The following ST3GAL2 variants were observed in gnomAD, a reference collection of about 807,000 sequenced individuals.
ST3GAL2 encodes ST3 beta-galactoside alpha-2,3-sialyltransferase 2.
A neutral mutation model predicts 37.5 loss-of-function variants in ST3GAL2; 16 were observed. The ratio of observed to expected loss-of-function variants is 0.43; its 90% CI spans 0.29 to 0.65. The LOEUF (loss-of-function observed/expected upper bound fraction) is 0.65, where lower values mean the gene tolerates loss of function less well. Ranked by LOEUF, ST3GAL2 falls within the 30% of genes least tolerant of loss-of-function variation. The pLI is 0.17. For synonymous variants in ST3GAL2, 238 were observed against 202.9 expected, an observed-to-expected ratio of 1.17 and a Z score of -1.47; for missense variants, 383 against 487.8, an observed-to-expected ratio of 0.79 and a Z score of 2.02.
At chr16:70,412,980 G>A (rs1325216049) in intron 1 of ST3GAL2, among the ~76,000 whole-genome samples, 1 of 152,182 alleles carries the variant, frequency 6.6e-6, no homozygotes, top group African/African-American at 2.4e-5. Flanking sequence ...TGGGCACGGT[G>A]GCACACACCT....
rs1330628506 is a variant in ST3GAL2 at position 70,401,498 on chromosome 16, G to A, written c.-1003-1965C>T. Among the ~76,000 whole-genome samples the A allele has an allele frequency of 2.0e-5, 3 of 152,036 alleles. No individual in the cohort carries two copies. The East Asian group carries it at 5.8e-4, about 29-fold the overall frequency. The stretch of plus-strand genomic sequence containing the variant: ...AGGATGCTCAGCTTGTTGTGGTGAG[G>A]GCAAATGGAGCCATGGGGAGGAGCT... On this transcript the variant is annotated intron_variant, in intron 1 of 6. Coordinates refer to ENST00000342907, the MANE Select transcript of ST3GAL2 (RefSeq NM_006927.4).
chr16:70,421,168 C>T (rs1329953598), intron 1 of ST3GAL2, among the ~76,000 whole-genome samples: 1 of 152,202 alleles, frequency 6.6e-6, no homozygotes, highest in African/African-American at 2.4e-5. Flanking sequence ...TTCATGGTCC[C>T]GAGCTCCAGC....
rs185064165 is a variant in ST3GAL2, at chr16:70,393,220, G to C, written c.533+1762C>G. 1.3e-3 allele frequency among the ~76,000 whole-genome samples: 204 copies of C among 152,036 alleles called. 5 individuals carry two copies. The highest frequency in any genetic ancestry group is 4.5e-3 in the African/African-American group (186 of 41,464). On this transcript the variant is annotated intron_variant, in intron 3 of 6. Coordinates refer to ENST00000342907, the MANE Select transcript of ST3GAL2 (RefSeq NM_006927.4). ...AGCCTCCCGAGTAGCTGGGATTATA[G>C]TTACCCACCACCACGCCCAGCTAAT...
rs1381867372 is a variant in ST3GAL2 at position 70,379,678 on chromosome 16, G to A, written c.*2011C>T. On this transcript the variant is annotated 3_prime_UTR_variant, in exon 7 of 7. Coordinates refer to ENST00000342907, the MANE Select transcript of ST3GAL2 (RefSeq NM_006927.4). ...GCTCTGTCGCCCAGGCTGGAGTGCA[G>A]TGGCACAATCTCGGCTCACTGCAAC... 1.3e-5 allele frequency: 2 copies of A among 152,272 alleles called. No individual in the cohort carries two copies. Among genetic ancestry groups the A allele is most frequent in the Non-Finnish European group, 2.9e-5 (2 of 68,096 alleles). The allele number at this position is 152,272 out of a possible 1,614,324, so 9.4% of individuals were successfully genotyped here.
chr16:70,402,950 C>T (rs1402756606), intron 1 of ST3GAL2, among the ~76,000 whole-genome samples: 1 of 152,166 alleles, frequency 6.6e-6, no homozygotes, highest in Non-Finnish European at 1.5e-5. Flanking sequence ...TGCGCCTAGC[C>T]ATGGAGTATT....
intron 1 of ST3GAL2, among the ~76,000 whole-genome samples, chr16:70,425,363 G>A (rs1296757333): frequency 6.6e-6 from 1 of 152,188 alleles, no homozygotes; most frequent in Non-Finnish European, 1.5e-5. Flanking sequence ...TCAGGAGGCT[G>A]AGGCAGGAGA....
intron 1 of ST3GAL2, among the ~76,000 whole-genome samples, chr16:70,409,756 G>C (rs2047623027): frequency 6.6e-6 from 1 of 151,720 alleles, no homozygotes; most frequent in African/African-American, 2.4e-5. Context: ...TCCTACCTCA[G>C]GCCCCCGAGT....
chr16:70,417,148 T>C (rs911136962), intron 1 of ST3GAL2, among the ~76,000 whole-genome samples: 2 of 152,198 alleles, frequency 1.3e-5, no homozygotes, highest in African/African-American at 2.4e-5. Context: ...GAGGATTATA[T>C]AAAGGCACAC....
chr16:70,436,284 G>A (rs766641880), intron 1 of ST3GAL2, among the ~76,000 whole-genome samples: 2 of 151,758 alleles, frequency 1.3e-5, no homozygotes, highest in Non-Finnish European at 2.9e-5. Flanking sequence ...AAAAAGTAGC[G>A]GGGTGTCGTG....
intron 1 of ST3GAL2, among the ~76,000 whole-genome samples, chr16:70,429,979 C>A (rs2047778360): frequency 6.6e-6 from 1 of 152,168 alleles, no homozygotes; most frequent in Non-Finnish European, 1.5e-5. Flanking sequence ...CAGCAAGAAT[C>A]CTATATGCAT....
Position 70,398,366 on chromosome 16 carries a change from G to T in ST3GAL2, c.165C>A (p.Ala55=). Residue 55 remains alanine, a synonymous_variant, in exon 2 of 7, where the codon GCC becomes GCA. Coordinates refer to ENST00000342907, the MANE Select transcript of ST3GAL2 (RefSeq NM_006927.4). ...TCTCCTTGCTGAGGCGCTGCAGGCC[G>T]GCATAGCCGGGCACCAGCTTCACCC... is the stretch of plus-strand genomic sequence containing the variant. ...THRVKLVPGY[A]GLQRLSKERL... The T allele has an allele frequency of 6.2e-7, 1 of 1,613,462 alleles. No individual in the cohort carries two copies. The highest frequency in any genetic ancestry group is 8.5e-7 in the Non-Finnish European group (1 of 1,180,014).
chr16:70,395,956 A>G (rs2047513074), intron 2 of ST3GAL2, among the ~76,000 whole-genome samples: 1 of 151,810 alleles, frequency 6.6e-6, no homozygotes, highest in African/African-American at 2.4e-5. Flanking sequence ...ATATGAAACA[A>G]GAAAAATGAA....
At chr16:70,436,201 G>A (rs964767816) in intron 1 of ST3GAL2, among the ~76,000 whole-genome samples, 6 of 151,976 alleles carry the variant, frequency 3.9e-5, no homozygotes, top group Non-Finnish European at 7.4e-5. Context: ...GCCAAGGCGG[G>A]CGGATCACCT....
At chr16:70,403,723 G>C (rs2047571010) in intron 1 of ST3GAL2, among the ~76,000 whole-genome samples, 1 of 152,202 alleles carries the variant, frequency 6.6e-6, no homozygotes, top group Admixed American at 6.5e-5. Flanking sequence ...TGAGGCAGGA[G>C]AATTGCTTGA....
chr16:70,386,857 G>A (rs2047447037), intron 4 of ST3GAL2, among the ~76,000 whole-genome samples: 1 of 152,194 alleles, frequency 6.6e-6, no homozygotes, highest in Non-Finnish European at 1.5e-5. Flanking sequence ...TGTTGGCCAG[G>A]CTGGTCTCTA....
intron 3 of ST3GAL2, 42 bp from the exon 4 acceptor site, chr16:70,388,588 A>T (rs1489427114): frequency 5.2e-6 from 8 of 1,528,894 alleles, no homozygotes; most frequent in Non-Finnish European, 7.0e-6. Context: ...ACTGCCATGG[A>T]AACTGATACA....
Position 70,399,492 on chromosome 16 carries a change from T to G in ST3GAL2, c.-962A>C. ...GAGCTCACAGTAATCCCCTGGCAGG[T>G]TCCCCTTCACATGTCGGGCGCCAGG... On this transcript the variant is annotated 5_prime_UTR_variant, in exon 2 of 7. Coordinates refer to ENST00000342907, the MANE Select transcript of ST3GAL2 (RefSeq NM_006927.4). 2.5e-6 allele frequency: 1 copy of G among 398,502 alleles called. No individual in the cohort carries two copies. Among genetic ancestry groups the G allele is most frequent in the Non-Finnish European group, 4.4e-6 (1 of 226,138 alleles). 24.7% of individuals were successfully genotyped at this position (398,502 alleles called of 1,614,324 possible).
chr16:70,418,108 A>C (rs1401562888), intron 1 of ST3GAL2, among the ~76,000 whole-genome samples: 1 of 152,146 alleles, frequency 6.6e-6, no homozygotes, highest in African/African-American at 2.4e-5. Context: ...AATGCTTTGA[A>C]TCACAAGAGA....
intron 1 of ST3GAL2, among the ~76,000 whole-genome samples, chr16:70,438,261 G>T: frequency 6.6e-6 from 1 of 152,144 alleles, no homozygotes; most frequent in Non-Finnish European, 1.5e-5. Flanking sequence ...TGGGAAGTTT[G>T]GTCCAGTCAC....
Sources: allele counts gnomAD v4.1 joint callset (sites outside exome capture counted in the v4.1 genomes callset), GRCh38; gene constraint gnomAD v4.1.1; transcripts MANE v1.5; gene names NCBI Gene and HGNC (gene_info 2026-07-23, HGNC 2026-07-21).